The following VPS41 variants were observed in gnomAD, a reference collection of about 807,000 sequenced individuals.
The protein encoded by VPS41 is vacuolar protein sorting-associated protein 41 homolog.
VPS41 carries 85 observed loss-of-function variants against 130.9 expected under a neutral mutation model. The observed-to-expected ratio is 0.65, with a 90% CI of 0.55 to 0.78. The LOEUF (loss-of-function observed/expected upper bound fraction) is 0.78, where lower values mean the gene tolerates loss of function less well. Among genes scored for constraint, VPS41 ranks in the 30% least tolerant of loss-of-function variants. The probability of loss-of-function intolerance (pLI) is 0.00; values close to 1 mark genes in which losing one functional copy is unlikely to be tolerated. For missense variants in VPS41, 874 were observed against 1,018.7 expected (o/e 0.86, Z 1.93); for synonymous variants, 335 against 332.9 (o/e 1.01, Z -0.07).
At chr7:38,761,159 TTTCCTTGTCTTTCC>T (rs1783902603) in intron 17 of VPS41, among the ~76,000 whole-genome samples, 1 of 151,822 alleles carries the variant, frequency 6.6e-6, no homozygotes, top group African/African-American at 2.4e-5. Context: ...TCTGTTTCCC[TTTCCTTGTCTTTCC>T]TTCCTTGTCC....
At chr7:38,760,582 A>T (rs2286086) in intron 17 of VPS41, among the ~76,000 whole-genome samples, 88,682 of 142,488 alleles carry the variant, frequency 0.62, 27,287 homozygotes, top group Admixed American at 0.76. Flanking sequence ...ATTTATTTTT[A>T]AAATTTGCTC....
intron 2 of VPS41, among the ~76,000 whole-genome samples, chr7:38,894,952 T>C (rs1786949538): frequency 6.6e-6 from 1 of 152,244 alleles, no homozygotes; most frequent in Non-Finnish European, 1.5e-5. Flanking sequence ...ATCTCCTCAG[T>C]TTGGCCAAGT....
rs529778074 is a variant in VPS41 at position 38,800,621 on chromosome 7, G to A, written c.451-3757C>T. On this transcript the variant is annotated intron_variant, in intron 7 of 28. Coordinates refer to ENST00000310301, the MANE Select transcript of VPS41 (RefSeq NM_014396.4). Reference sequence around the variant, plus strand: ...GGCCGAGGTGGGTGGATCACCTGAGGTCGGGAGTTTGAGACCAGCCTGGCC... The same window carrying A: ...GGCCGAGGTGGGTGGATCACCTGAGATCGGGAGTTTGAGACCAGCCTGGCC... Among the ~76,000 whole-genome samples, 12 of 152,216 alleles carry A rather than the reference G, an allele frequency of 7.9e-5. No individual in the cohort carries two copies. The South Asian group carries it at 2.5e-3, about 32-fold the overall frequency.
chr7:38,789,990 C>G, intron 9 of VPS41, 123 bp from the exon 10 acceptor site: 3 of 861,202 alleles, frequency 3.5e-6, no homozygotes, highest in Non-Finnish European at 5.5e-6. Context: ...TACAATCTAC[C>G]CTATGACTTA....
At chr7:38,767,731 TTGC>T in intron 14 of VPS41, 133 bp from the exon 15 acceptor site, 1 of 462,826 alleles carries the variant, frequency 2.2e-6, no homozygotes, top group African/African-American at 2.0e-5. Flanking sequence ...TACTCTTAGC[TTGC>T]TTTATGTAAT....
At chr7:38,822,211 C>T (rs1785185423) in intron 5 of VPS41, among the ~76,000 whole-genome samples, 2 of 152,178 alleles carry the variant, frequency 1.3e-5, no homozygotes, top group South Asian at 2.1e-4. Flanking sequence ...ATATAAAACA[C>T]ATGCTATAAA....
intron 25 of VPS41, among the ~76,000 whole-genome samples, chr7:38,734,581 A>G (rs1795728133): frequency 6.6e-6 from 1 of 152,186 alleles, no homozygotes; most frequent in Admixed American, 6.5e-5. Context: ...ATCATCATTG[A>G]TAATAATCCC....
chr7:38,847,236 T>C (rs1435027662), intron 4 of VPS41, among the ~76,000 whole-genome samples: 1 of 152,122 alleles, frequency 6.6e-6, no homozygotes, highest in Non-Finnish European at 1.5e-5. Context: ...TGAACTATTT[T>C]AAATGATAAT....
chr7:38,772,538 T>C lies in VPS41; in HGVS notation c.1112A>G (p.Glu371Gly), dbSNP rs1242747059. The C allele has an allele frequency of 6.2e-7, 1 of 1,611,774 alleles. No homozygotes were observed. The highest frequency in any genetic ancestry group is 1.7e-5 in the Admixed American group (1 of 59,960). Residue 371 changes from glutamate (E) to glycine (G), a missense_variant, in exon 13 of 29, where the codon GAA becomes GGA. Physicochemically the swap from Glu to Gly is moderately conservative, Grantham distance 98. Coordinates refer to ENST00000310301, the MANE Select transcript of VPS41 (RefSeq NM_014396.4). ...CAAGGGTACTTCATATTTCTTCTTTTCAAGGAGCCAGTCAATGTGATCATC... is the reference window on the plus strand; with the variant it reads ...CAAGGGTACTTCATATTTCTTCTTTCCAAGGAGCCAGTCAATGTGATCATC... ...DQDDHIDWLL[E>G]KKKYEEALMA...
chr7:38,726,028 C>A lies in VPS41; in HGVS notation c.*218G>T. 1 of 517,312 alleles carries A rather than the reference C, an allele frequency of 1.9e-6. No individual in the cohort carries two copies. The highest frequency in any genetic ancestry group is 3.0e-5 in the South Asian group (1 of 33,358). 32.0% of individuals were successfully genotyped at this position (517,312 alleles called of 1,614,324 possible). ...AAACAAATAAATAACAAAATATTCA[C>A]TATGGACCCCAAAATTTCAAGGCAT... On this transcript the variant is annotated 3_prime_UTR_variant, in exon 29 of 29. Coordinates refer to ENST00000310301, the MANE Select transcript of VPS41 (RefSeq NM_014396.4).
chr7:38,905,163 GC>G (rs1396707876), intron 1 of VPS41, among the ~76,000 whole-genome samples: 4 of 152,198 alleles, frequency 2.6e-5, no homozygotes, highest in African/African-American at 9.6e-5. Flanking sequence ...TAAAGCACTA[GC>G]CCTGTGGAAG....
intron 5 of VPS41, among the ~76,000 whole-genome samples, chr7:38,825,097 T>A (rs1785244455): frequency 6.6e-6 from 1 of 152,166 alleles, no homozygotes; most frequent in Admixed American, 6.5e-5. Flanking sequence ...CCGATACACA[T>A]CACTATCCTT....
At chr7:38,869,385 G>A in intron 2 of VPS41, 132 bp from the exon 3 acceptor site, 1 of 604,340 alleles carries the variant, frequency 1.7e-6, no homozygotes, top group Non-Finnish European at 2.9e-6. Flanking sequence ...ACAGCTAAAG[G>A]TTAAAATCTT....
At chr7:38,811,134 T>C (rs1390341153) in intron 7 of VPS41, among the ~76,000 whole-genome samples, 1 of 152,136 alleles carries the variant, frequency 6.6e-6, no homozygotes, top group Non-Finnish European at 1.5e-5. Context: ...ACATCAGATA[T>C]ATTTCTTAAT....
intron 10 of VPS41, among the ~76,000 whole-genome samples, chr7:38,786,377 T>A (rs770176288): frequency 6.6e-6 from 1 of 152,198 alleles, no homozygotes. Flanking sequence ...GGTTGTTATA[T>A]AAGGAACAAT....
Position 38,723,622 on chromosome 7 carries a change from GC to G in VPS41, c.*2623del. 1 of 148,896 alleles carries G rather than the reference GC, an allele frequency of 6.7e-6. No homozygotes were observed. The highest frequency in any genetic ancestry group is 2.5e-5 in the African/African-American group (1 of 40,350). The allele number at this position is 148,896 out of a possible 1,614,324, so 9.2% of individuals were successfully genotyped here. A position where few individuals can be genotyped will look rare whatever the true frequency, so the allele number is the denominator to read the frequency against. ...GCCTGTACTCCCACCTACTCCGGAA[GC>G]TGAGACGGGAGAATCACTTGAACCT... On this transcript the variant is annotated 3_prime_UTR_variant, in exon 29 of 29. Coordinates refer to ENST00000310301, the MANE Select transcript of VPS41 (RefSeq NM_014396.4).
At position 38,796,876 on chromosome 7, in the gene VPS41, A is replaced by G; in HGVS notation, c.451-12T>C. The stretch of plus-strand genomic sequence containing the variant: ...TCAAACAGTAGCAGCTAGGGACAAA[A>G]AGCATAAACAAAGAATCTTAGAAAC... On this transcript the variant is annotated splice_polypyrimidine_tract_variant and intron_variant, in intron 7 of 28. Transcript: ENST00000310301. 1 of 1,613,706 alleles carries G rather than the reference A, an allele frequency of 6.2e-7. No homozygotes were observed. The highest frequency in any genetic ancestry group is 8.5e-7 in the Non-Finnish European group (1 of 1,179,698).
In VPS41 at chr7:38,774,120, T is replaced by C. The variant is rs145571672; in HGVS notation, c.1007A>G (p.His336Arg). 4.6e-5 allele frequency: 74 copies of C among 1,602,016 alleles called. No homozygotes were observed. The African/African-American group carries it at 9.2e-4, about 20-fold the overall frequency. ...AGATCTTTCATATCTCCTACCTAAA[T>C]GATAATCTCTACATTCATTCTCCTG... is the stretch of plus-strand genomic sequence containing the variant. ...GFQENECRDY[H>R]LEYSEGESLF... The change falls in exon 12 of 29, where the codon CAT (histidine) becomes CGT (arginine). Residue 336 changes from histidine (H) to arginine (R), a missense_variant. His to Arg is a conservative substitution (Grantham distance 29). Coordinates refer to ENST00000310301, the MANE Select transcript of VPS41 (RefSeq NM_014396.4).
At chr7:38,852,546 G>A (rs888918735) in intron 4 of VPS41, among the ~76,000 whole-genome samples, 12 of 152,136 alleles carry the variant, frequency 7.9e-5, no homozygotes, top group Admixed American at 6.5e-4. Flanking sequence ...GTGGCTAGAT[G>A]AAAAATATCC....
Sources: allele counts gnomAD v4.1 joint callset (sites outside exome capture counted in the v4.1 genomes callset), GRCh38; gene constraint gnomAD v4.1.1; transcripts MANE v1.5; gene names NCBI Gene and HGNC (gene_info 2026-07-23, HGNC 2026-07-21).